Variants in SGCD observed in about 807,000 individuals in gnomAD.
SGCD encodes the protein delta-sarcoglycan.
In SGCD, 18 loss-of-function variants were observed where a neutral mutation model predicts 36.6. The observed-to-expected ratio is 0.49, with a 90% CI of 0.34 to 0.73. The LOEUF (loss-of-function observed/expected upper bound fraction) is 0.73, where lower values mean the gene tolerates loss of function less well. Among genes scored for constraint, SGCD ranks in the 30% least tolerant of loss-of-function variants. SGCD has a pLI of 0.01. For synonymous variants in SGCD, 133 were observed against 130.6 expected (o/e 1.02, Z -0.12); for missense variants, 387 against 346.7 (o/e 1.12, Z -0.92).
At chr5:155,969,658 G>GC (rs1429571961) in intron 1 of SGCD, among the ~76,000 whole-genome samples, 4 of 152,096 alleles carry the variant, frequency 2.6e-5, no homozygotes, top group African/African-American at 9.7e-5. Context: ...TTTGAGACCT[G>GC]CAATAGCTCA....
At chr5:156,067,733 C>T (rs1760368835) in intron 1 of SGCD, among the ~76,000 whole-genome samples, 2 of 133,182 alleles carry the variant, frequency 1.5e-5, no homozygotes, top group Admixed American at 7.0e-5. Context: ...CTTTCTTTGA[C>T]TCGGAAAGGG....
intron 3 of SGCD, among the ~76,000 whole-genome samples, chr5:156,285,204 C>A (rs1020010525): frequency 5.9e-5 from 9 of 152,148 alleles, no homozygotes; most frequent in Admixed American, 1.3e-4. Flanking sequence ...ACATTCCATG[C>A]TCATGGGTAG....
At chr5:156,019,915 A>G (rs76128112) in intron 1 of SGCD, among the ~76,000 whole-genome samples, 2,632 of 152,268 alleles carry the variant, frequency 0.017, 59 homozygotes, top group African/African-American at 0.053. Context: ...CATGTCTCCA[A>G]TCTCAGCTCC....
At chr5:156,237,725 T>G (rs1765202834) in intron 3 of SGCD, among the ~76,000 whole-genome samples, 1 of 152,164 alleles carries the variant, frequency 6.6e-6, no homozygotes, top group Non-Finnish European at 1.5e-5. Flanking sequence ...ATGGAGCTGG[T>G]AAAGCAGGAT....
chr5:155,942,334 G>GTATGTATGTATC (rs779514666), intron 1 of SGCD, among the ~76,000 whole-genome samples: 42 of 138,502 alleles, frequency 3.0e-4, no homozygotes, highest in Non-Finnish European at 5.1e-4. Flanking sequence ...ATGTATGTAT[G>GTATGTATGTATC]TATCTATCTA....
At chr5:156,558,771 T>G (rs1759151099) in intron 4 of SGCD, among the ~76,000 whole-genome samples, 1 of 152,122 alleles carries the variant, frequency 6.6e-6, no homozygotes, top group Non-Finnish European at 1.5e-5. Context: ...GTAAGGAATT[T>G]TAGACATCAG....
chr5:156,266,777 GTTT>G (rs67300215), intron 3 of SGCD, among the ~76,000 whole-genome samples: 11,425 of 137,692 alleles, frequency 0.083, 951 homozygotes, highest in African/African-American at 0.23. Flanking sequence ...TGGCCCCACT[GTTT>G]TTTTTTTTTT....
chr5:156,386,496 A>G (rs1771284551), intron 3 of SGCD, among the ~76,000 whole-genome samples: 1 of 152,252 alleles, frequency 6.6e-6, no homozygotes, highest in Non-Finnish European at 1.5e-5. Context: ...AAGCATAAAT[A>G]TCTGAGTTTG....
At chr5:156,157,831 C>A (rs1002194835) in intron 3 of SGCD, among the ~76,000 whole-genome samples, 1 of 151,592 alleles carries the variant, frequency 6.6e-6, no homozygotes, top group Non-Finnish European at 1.5e-5. Context: ...ACAGTATAAT[C>A]ACAGTTTTTG....
chr5:155,859,157 C>A, the SGCD span, among the ~76,000 whole-genome samples: 3 of 151,894 alleles, frequency 2.0e-5, no homozygotes, highest in African/African-American at 7.3e-5. Flanking sequence ...AACCCCCAGA[C>A]TCAGGCAATC....
chr5:156,672,512 T>C (rs1195137782), intron 7 of SGCD, among the ~76,000 whole-genome samples: 2 of 152,146 alleles, frequency 1.3e-5, no homozygotes, highest in Non-Finnish European at 2.9e-5. Flanking sequence ...AATTTACAGC[T>C]TGAATCAACC....
intron 3 of SGCD, among the ~76,000 whole-genome samples, chr5:156,177,922 A>G (rs1016906932): frequency 3.3e-5 from 5 of 152,218 alleles, no homozygotes; most frequent in African/African-American, 7.2e-5. Flanking sequence ...GACTTAATCC[A>G]TGGGATTTCA....
At chr5:155,743,980 A>G in the SGCD span, among the ~76,000 whole-genome samples, 1 of 152,214 alleles carries the variant, frequency 6.6e-6, no homozygotes, top group African/African-American at 2.4e-5. Flanking sequence ...AACAAAAGCA[A>G]TAGTAAATCT....
intron 4 of SGCD, among the ~76,000 whole-genome samples, chr5:156,580,849 C>T (rs1449012842): frequency 6.6e-6 from 1 of 152,150 alleles, no homozygotes; most frequent in Non-Finnish European, 1.5e-5. Flanking sequence ...TTCGAACATC[C>T]TCCTATAGCT....
intron 3 of SGCD, among the ~76,000 whole-genome samples, chr5:156,487,715 G>C (rs1207935620): frequency 7.1e-6 from 1 of 141,720 alleles, no homozygotes; most frequent in Non-Finnish European, 1.5e-5. Context: ...TTGAACCCAG[G>C]AGGTGGAAGT....
intron 7 of SGCD, among the ~76,000 whole-genome samples, chr5:156,725,811 C>T (rs1024369556): frequency 6.6e-6 from 1 of 152,148 alleles, no homozygotes; most frequent in Non-Finnish European, 1.5e-5. Context: ...AACGTGTCTG[C>T]ACACAATATA....
intron 7 of SGCD, among the ~76,000 whole-genome samples, chr5:156,703,048 T>C (rs997059461): frequency 9.9e-5 from 15 of 152,190 alleles, no homozygotes; most frequent in Admixed American, 9.8e-4. Flanking sequence ...ACATTTGTGT[T>C]TACCCCCACC....
At chr5:156,417,759 A>G (rs1224366220) in intron 3 of SGCD, among the ~76,000 whole-genome samples, 1 of 152,130 alleles carries the variant, frequency 6.6e-6, no homozygotes, top group African/African-American at 2.4e-5. Context: ...GTACAGTCAC[A>G]TAGAGGATTA....
At position 156,426,135 on chromosome 5, in the gene SGCD, T is replaced by C. The variant is rs186548638; in HGVS notation, c.192+81458T>C. Reference sequence around the variant, plus strand: ...CTTTCAGTTCTTTAAGGAATCTTCATACTGTTTTCAATAGTGGTTATACTA... The same window carrying C: ...CTTTCAGTTCTTTAAGGAATCTTCACACTGTTTTCAATAGTGGTTATACTA... On this transcript the variant is annotated intron_variant, in intron 3 of 8. Coordinates refer to ENST00000337851, the MANE Select transcript of SGCD (RefSeq NM_000337.6). Among the ~76,000 whole-genome samples, 226 of 152,216 alleles carry C rather than the reference T, an allele frequency of 1.5e-3. 3 individuals carry two copies. In the Middle Eastern group the frequency reaches 0.02, roughly 14 times the overall value.
Sources: allele counts gnomAD v4.1 joint callset (sites outside exome capture counted in the v4.1 genomes callset), GRCh38; gene constraint gnomAD v4.1.1; transcripts MANE v1.5; gene names NCBI Gene and HGNC (gene_info 2026-07-23, HGNC 2026-07-21).